Variants in ARHGAP10 observed in about 807,000 individuals in gnomAD.
The protein encoded by ARHGAP10 is rho GTPase-activating protein 10.
In ARHGAP10, 87 loss-of-function variants were observed where a neutral mutation model predicts 108.6. That is an observed-to-expected ratio of 0.80 (90% CI 0.67 to 0.96). The LOEUF is 0.96. Ranked by LOEUF, ARHGAP10 falls within the 40% of genes least tolerant of loss-of-function variation. The pLI is 0.00. For missense variants in ARHGAP10, 939 were observed against 954.5 expected, an observed-to-expected ratio of 0.98 and a Z score of 0.21; for synonymous variants, 347 against 341.1, an observed-to-expected ratio of 1.02 and a Z score of -0.19.
chr4:148,017,890 T>A (rs1185157410), intron 18 of ARHGAP10, among the ~76,000 whole-genome samples: 2 of 151,982 alleles, frequency 1.3e-5, no homozygotes, highest in South Asian at 2.1e-4. Flanking sequence ...CCACATGTGG[T>A]CCCTGGTAAC....
At chr4:147,952,421 A>C (rs1450309678) in intron 15 of ARHGAP10, among the ~76,000 whole-genome samples, 1 of 152,122 alleles carries the variant, frequency 6.6e-6, no homozygotes, top group Non-Finnish European at 1.5e-5. Context: ...CCAACTCTTA[A>C]GCTGGTCAAT....
intron 13 of ARHGAP10, among the ~76,000 whole-genome samples, chr4:147,915,019 T>A (rs950192650): frequency 9.9e-5 from 15 of 152,232 alleles, no homozygotes; most frequent in African/African-American, 3.6e-4. Context: ...TAATTCACTC[T>A]CATATATTCT....
intron 16 of ARHGAP10, among the ~76,000 whole-genome samples, chr4:147,961,770 T>C (rs1292273411): frequency 2.0e-5 from 3 of 152,144 alleles, no homozygotes; most frequent in Non-Finnish European, 2.9e-5. Flanking sequence ...ATCCCAGTGT[T>C]TCCATTCCTT....
chr4:148,016,309 G>A (rs189465580), intron 18 of ARHGAP10, among the ~76,000 whole-genome samples: 12 of 152,198 alleles, frequency 7.9e-5, no homozygotes, highest in African/African-American at 2.6e-4. Context: ...TTTGAGATTA[G>A]CCTGGGTAAC....
chr4:147,741,782 A>ACACG (rs1728670359), intron 1 of ARHGAP10, among the ~76,000 whole-genome samples: 1 of 36,392 alleles, frequency 2.7e-5, no homozygotes, highest in Admixed American at 3.6e-4. Flanking sequence ...ACACACACAC[A>ACACG]CACACACACG....
At chr4:147,893,042 T>A (rs1189737418) in intron 10 of ARHGAP10, among the ~76,000 whole-genome samples, 1 of 151,942 alleles carries the variant, frequency 6.6e-6, no homozygotes, top group Non-Finnish European at 1.5e-5. Flanking sequence ...TACAAATACT[T>A]GTGGAATTGA....
At chr4:147,761,736 G>A (rs1357074937) in intron 1 of ARHGAP10, among the ~76,000 whole-genome samples, 2 of 152,142 alleles carry the variant, frequency 1.3e-5, no homozygotes, top group African/African-American at 4.8e-5. Flanking sequence ...GAATATACGG[G>A]CTAGTTTACC....
chr4:147,939,574 C>T (rs1169903666), intron 13 of ARHGAP10, among the ~76,000 whole-genome samples: 1 of 152,192 alleles, frequency 6.6e-6, no homozygotes, highest in Non-Finnish European at 1.5e-5. Flanking sequence ...ACTTAACTAA[C>T]TTACTAACAT....
chr4:147,979,249 C>T (rs1739719175), intron 18 of ARHGAP10, among the ~76,000 whole-genome samples: 1 of 152,142 alleles, frequency 6.6e-6, no homozygotes, highest in African/African-American at 2.4e-5. Flanking sequence ...AGGTAGTAGT[C>T]TAGTTTCATT....
intron 1 of ARHGAP10, among the ~76,000 whole-genome samples, chr4:147,797,799 C>G (rs1201617546): frequency 6.6e-6 from 1 of 152,194 alleles, no homozygotes; most frequent in Admixed American, 6.5e-5. Context: ...GAAACCTTCT[C>G]TGCCTTTCCC....
At chr4:147,951,482 T>G (rs1278692392) in intron 15 of ARHGAP10, among the ~76,000 whole-genome samples, 4 of 151,892 alleles carry the variant, frequency 2.6e-5, no homozygotes, top group Admixed American at 2.6e-4. Context: ...AGAGCAGGAC[T>G]TTTTCACTCA....
chr4:147,933,165 G>T (rs1236889331), intron 13 of ARHGAP10, among the ~76,000 whole-genome samples: 3 of 151,990 alleles, frequency 2.0e-5, no homozygotes, highest in African/African-American at 4.8e-5. Context: ...TTGGTCTCTG[G>T]TGCCTTATAT....
chr4:148,021,587 G>T (rs1371961560), intron 18 of ARHGAP10, among the ~76,000 whole-genome samples: 5 of 152,072 alleles, frequency 3.3e-5, no homozygotes, highest in Non-Finnish European at 5.9e-5. Context: ...TATTTTTCCA[G>T]TGGAGTCATA....
chr4:147,942,100 A>G (rs1356697117), intron 14 of ARHGAP10, among the ~76,000 whole-genome samples: 1 of 152,172 alleles, frequency 6.6e-6, no homozygotes, highest in Non-Finnish European at 1.5e-5. Context: ...GAAGAGGAAA[A>G]AATTGTGTGG....
At chr4:147,789,146 T>C (rs1047422092) in intron 1 of ARHGAP10, among the ~76,000 whole-genome samples, 1 of 152,226 alleles carries the variant, frequency 6.6e-6, no homozygotes, top group Non-Finnish European at 1.5e-5. Context: ...TTGTGAACAC[T>C]ATCTGCTGCT....
At chr4:148,000,242 A>G (rs553514537) in intron 18 of ARHGAP10, among the ~76,000 whole-genome samples, 79 of 152,200 alleles carry the variant, frequency 5.2e-4, no homozygotes, top group African/African-American at 1.9e-3. Flanking sequence ...CCATGTCCCT[A>G]CAAAGGACAT....
chr4:148,030,000 C>G (rs1017044140), intron 19 of ARHGAP10, among the ~76,000 whole-genome samples: 1 of 151,392 alleles, frequency 6.6e-6, no homozygotes, highest in Non-Finnish European at 1.5e-5. Context: ...AGCATCCCCC[C>G]CCCCACCAAC....
At chr4:147,920,925 A>G (rs1277015891) in intron 13 of ARHGAP10, among the ~76,000 whole-genome samples, 1 of 152,260 alleles carries the variant, frequency 6.6e-6, no homozygotes, top group African/African-American at 2.4e-5. Context: ...AACATGGAGA[A>G]ACAGTAAAAG....
chr4:147,938,575 C>T (rs897288739), intron 13 of ARHGAP10, among the ~76,000 whole-genome samples: 2 of 152,098 alleles, frequency 1.3e-5, no homozygotes, highest in Admixed American at 6.5e-5. Context: ...ATAGAGACTC[C>T]GAGAGGTTTC....
Sources: gnomAD v4.1 joint callset for allele counts (sites outside exome capture counted in the v4.1 genomes callset) on GRCh38, gnomAD v4.1.1 for gene constraint, MANE v1.5 for transcripts, NCBI Gene and HGNC (gene_info 2026-07-23, HGNC 2026-07-21) for gene names.